Variants in XIST observed in about 807,000 individuals in gnomAD.
The protein encoded by XIST is X inactive specific transcript (non-protein coding).
At chrX:73,839,255 G>T (rs745999865) in intron 1 of XIST, among the ~76,000 whole-genome samples, 1 of 111,156 alleles carries the variant, frequency 9.0e-6, no homozygotes, top group East Asian at 2.8e-4. Flanking sequence ...GTTACAGAAA[G>T]ATAAAGCTGA....
At chrX:73,821,848 A>T (rs1198610324) in exon 6 of XIST, 1 of 545,634 alleles carries the variant, frequency 1.8e-6, no homozygotes, top group East Asian at 3.3e-5. Context: ...AGCTGTTTTC[A>T]TCCACTGATA....
exon 1 of XIST, chrX:73,844,032 G>A: frequency 1.8e-6 from 1 of 558,834 alleles, no homozygotes; most frequent in Non-Finnish European, 3.2e-6. Flanking sequence ...TAGGGTTGTG[G>A]ACAACTGCAA....
At chrX:73,824,645 C>A (rs1213916411) in exon 6 of XIST, 1 of 555,316 alleles carries the variant, frequency 1.8e-6, no homozygotes, top group Admixed American at 2.2e-5. Context: ...AAGTTTTATT[C>A]ATACAGAAAG....
chrX:73,847,375 G>A lies in XIST; in HGVS notation n.5349C>T, dbSNP rs776672284. On this transcript the variant is annotated non_coding_transcript_exon_variant, in exon 1 of 6. Coordinates refer to ENST00000429829, the Ensembl canonical transcript of XIST. ...TGCTGCTTTGCCAAGGAGGTGTGAG[G>A]GGGATGGGATTCCAGGGCAATTGTC... 7.4e-5 allele frequency: 38 copies of A among 514,174 alleles called. No homozygotes were observed. The Admixed American group carries it at 9.8e-4, about 13-fold the overall frequency. 42.4% of individuals were successfully genotyped at this position (514,174 alleles called of 1,213,427 possible).
rs756716758 is a variant in XIST at position 73,821,617 on chromosome X, G to A, written n.18284C>T. ...AACCTGGAGCTGGTAATGTTCTTAA[G>A]ACCAATTCAGAACAAAGGCAGGTTG... is the stretch of plus-strand genomic sequence containing the variant. On this transcript the variant is annotated non_coding_transcript_exon_variant, in exon 6 of 6. Transcript: ENST00000429829. 13 of 554,777 alleles carry A rather than the reference G, an allele frequency of 2.3e-5. No individual in the cohort carries two copies. The Admixed American group carries it at 2.9e-4, about 12-fold the overall frequency. The allele number at this position is 554,777 out of a possible 1,213,427, so 45.7% of individuals were successfully genotyped here. A position where few individuals can be genotyped will look rare whatever the true frequency, so the allele number is the denominator to read the frequency against.
exon 1 of XIST, chrX:73,845,195 T>C: frequency 1.8e-6 from 1 of 556,679 alleles, no homozygotes; most frequent in Non-Finnish European, 3.2e-6. Flanking sequence ...GAGCGGGTAC[T>C]TCCTGCCAGA....
intron 5 of XIST, chrX:73,828,319 C>CT (rs1922310960): frequency 1.7e-5 from 3 of 181,677 alleles, no homozygotes; most frequent in South Asian, 3.1e-4. Context: ...TATGAGTCTT[C>CT]TTGGGTTACC....
chrX:73,824,006 T>C (rs770147179), exon 6 of XIST: 24 of 553,301 alleles, frequency 4.3e-5, no homozygotes, highest in African/African-American at 3.8e-4. Context: ...TAGATCTCTG[T>C]TGTAGGTTCA....
intron 4 of XIST, among the ~76,000 whole-genome samples, chrX:73,830,825 G>A (rs1046896613): frequency 9.0e-6 from 1 of 111,549 alleles, no homozygotes; most frequent in African/African-American, 3.3e-5. Flanking sequence ...CCTCTGCCAC[G>A]TGCTATAGTC....
chrX:73,848,580 T>C lies in XIST; in HGVS notation n.4144A>G, dbSNP rs192461305. 238 of 555,410 alleles carry C rather than the reference T, an allele frequency of 4.3e-4. No homozygotes were observed. In the African/African-American group the frequency reaches 4.8e-3, roughly 11 times the overall value. 45.8% of individuals were successfully genotyped at this position (555,410 alleles called of 1,213,427 possible). ...TGTAGCGTGCAAATAGGATACAGAG[T>C]CCCTTTCTAATGGACAGGACTCTGG... On this transcript the variant is annotated non_coding_transcript_exon_variant, in exon 1 of 6. Coordinates refer to ENST00000429829, the Ensembl canonical transcript of XIST.
exon 1 of XIST, chrX:73,850,403 C>T (rs1305065104): frequency 5.6e-6 from 3 of 536,628 alleles, no homozygotes; most frequent in Non-Finnish European, 6.7e-6. Context: ...TAATACATTT[C>T]TATAATAGTC....
exon 1 of XIST, chrX:73,843,854 G>A: frequency 1.8e-6 from 1 of 558,677 alleles, no homozygotes; most frequent in South Asian, 2.2e-5. Flanking sequence ...TGGTTGATCA[G>A]GACACCCTGT....
At chrX:73,823,931 AC>A (rs1463890569) in exon 6 of XIST, 6 of 553,208 alleles carry the variant, frequency 1.1e-5, no homozygotes, top group Non-Finnish European at 2.0e-5. Flanking sequence ...GAAAGTAATC[AC>A]CATTCAGTAA....
rs778187235 is a variant in XIST, at chrX:73,847,178, G to C, written n.5546C>G. 4 of 559,181 alleles carry C rather than the reference G, an allele frequency of 7.2e-6. No individual in the cohort carries two copies. The South Asian group carries it at 8.9e-5, about 12-fold the overall frequency. The allele number at this position is 559,181 out of a possible 1,213,427, so 46.1% of individuals were successfully genotyped here. On this transcript the variant is annotated non_coding_transcript_exon_variant, in exon 1 of 6. Coordinates refer to ENST00000429829, the Ensembl canonical transcript of XIST. ...TAAAAAAGTACAGCAGCAAATATAAGTATGCACATTAACAGTCCAAGAGAG... is the reference window on the plus strand; with the variant it reads ...TAAAAAAGTACAGCAGCAAATATAACTATGCACATTAACAGTCCAAGAGAG...
At chrX:73,825,961 C>T (rs1363061812) in exon 6 of XIST, 3 of 559,169 alleles carry the variant, frequency 5.4e-6, no homozygotes, top group Non-Finnish European at 9.7e-6. Flanking sequence ...GGGTATTAAA[C>T]CCAGGAGTAG....
At chrX:73,851,543 A>C in exon 1 of XIST, 2 of 559,150 alleles carry the variant, frequency 3.6e-6, no homozygotes, top group Non-Finnish European at 6.5e-6. Flanking sequence ...GCAATGCCGC[A>C]ATGTCAAAAT....
chrX:73,849,974 C>G (rs746015264), exon 1 of XIST: 1 of 554,418 alleles, frequency 1.8e-6, no homozygotes, highest in African/African-American at 2.3e-5. Flanking sequence ...CAGGATACAA[C>G]GAAAAATTGA....
At chrX:73,826,668 C>G in exon 6 of XIST, 1 of 559,239 alleles carries the variant, frequency 1.8e-6, no homozygotes, top group Non-Finnish European at 3.2e-6. Context: ...TTCCCCAGGT[C>G]TTCAAGCTTC....
At chrX:73,851,578 G>C (rs1399776448) in exon 1 of XIST, 2 of 557,295 alleles carry the variant, frequency 3.6e-6, no homozygotes, top group Middle Eastern at 3.1e-4. Flanking sequence ...CTGCACCTTA[G>C]TCTTTCCTAA....
Sources: gnomAD v4.1 joint callset for allele counts (sites outside exome capture counted in the v4.1 genomes callset) on GRCh38, gnomAD v4.1.1 for gene constraint, MANE v1.5 for transcripts, NCBI Gene and HGNC (gene_info 2026-07-23, HGNC 2026-07-21) for gene names.